Variants in TEP1 observed in about 807,000 individuals in gnomAD.
TEP1 encodes telomerase associated protein 1, also known as telomerase protein component 1.
A neutral mutation model predicts 306.3 loss-of-function variants in TEP1; 241 were observed. The ratio of observed to expected loss-of-function variants is 0.79; its 90% CI spans 0.71 to 0.88. TEP1 has a LOEUF of 0.88. Ranked by LOEUF, TEP1 falls within the 40% of genes least tolerant of loss-of-function variation. The probability of loss-of-function intolerance (pLI) is 0.00; values close to 1 mark genes in which losing one functional copy is unlikely to be tolerated. For missense variants in TEP1, 3,051 were observed against 3,276.1 expected, an observed-to-expected ratio of 0.93 and a Z score of 1.68; for synonymous variants, 1,289 against 1,305.5, an observed-to-expected ratio of 0.99 and a Z score of 0.27.
At chr14:20,374,322 T>C in intron 44 of TEP1, 107 bp downstream of exon 44, 2 of 693,136 alleles carry the variant, frequency 2.9e-6, no homozygotes, top group South Asian at 4.2e-5. Flanking sequence ...AGGTATCTCA[T>C]TTTTATGCTC....
chr14:20,406,117 C>T, intron 3 of TEP1, 116 bp downstream of exon 3: 3 of 889,326 alleles, frequency 3.4e-6, no homozygotes. Context: ...GAAATAAGAG[C>T]TAGGTTGTAT....
At position 20,368,915 on chromosome 14, in the gene TEP1, AG is replaced by A; in HGVS notation, c.7657-14del. The stretch of plus-strand genomic sequence containing the variant: ...AGCCCGAGTGAATCTCAAAGAGGAA[AG>A]GGGAGAGCAGAATGGTGAGTTCTCA... On this transcript the variant is annotated splice_polypyrimidine_tract_variant and intron_variant, in intron 53 of 54. Transcript: ENST00000262715. 1.2e-6 allele frequency: 2 copies of A among 1,604,798 alleles called. No homozygotes were observed. Among genetic ancestry groups the A allele is most frequent in the East Asian group, 2.2e-5 (1 of 44,746 alleles).
chr14:20,392,534 C>G (rs935613148), intron 12 of TEP1, among the ~76,000 whole-genome samples: 12 of 152,198 alleles, frequency 7.9e-5, no homozygotes, highest in African/African-American at 2.9e-4. Context: ...GGAGGCAAAT[C>G]CAGAATATGG....
Position 20,408,086 on chromosome 14 carries a change from T to C in TEP1, c.354A>G (p.Leu118=), listed in dbSNP as rs1184141495. The change falls in exon 2 of 55, where the codon CTA becomes CTG. Residue 118 remains leucine (L), a synonymous_variant. Coordinates refer to ENST00000262715, the MANE Select transcript of TEP1 (RefSeq NM_007110.5). ...AGGGGCTGGCAGACACAGTGCTCTT[T>C]AGACTAGAGAGGGTGGCCAGGCACC... ...ENRCLATLSS[L]KSTVSASPLF... is the part of the protein sequence containing the mutation. 3.7e-6 allele frequency: 6 copies of C among 1,614,104 alleles called. No homozygotes were observed. Among genetic ancestry groups the C allele is most frequent in the Admixed American group, 1.7e-5 (1 of 60,010 alleles).
chr14:20,384,827 G>A, intron 21 of TEP1, 114 bp from the exon 22 acceptor site: 1 of 1,475,362 alleles, frequency 6.8e-7, no homozygotes, highest in South Asian at 1.2e-5. Context: ...GAGAGCTCCT[G>A]ACTCCAGCAC....
At chr14:20,380,604 A>G (rs568945732) in intron 33 of TEP1, 129 bp from the exon 34 acceptor site, 1 of 1,383,748 alleles carries the variant, frequency 7.2e-7, no homozygotes, top group Non-Finnish European at 9.5e-7. Flanking sequence ...TATATCAGGA[A>G]TATCTCTTAA....
rs1383902257 is a variant in TEP1 at position 20,383,641 on chromosome 14, G to C, written c.3714C>G (p.Ser1238Arg). The C allele has an allele frequency of 2.5e-6, 4 of 1,613,138 alleles. No homozygotes were observed. The highest frequency in any genetic ancestry group is 1.3e-5 in the African/African-American group (1 of 74,920). Residue 1238 changes from serine to arginine, a missense_variant, in exon 26 of 55, where the codon AGC becomes AGG. Transcript: ENST00000262715. ...EPGALPSTYR[S>R]LVWELQQRLL... ...GCCTCTGCTGCAGCTCCCACACCAG[G>C]CTTCTGTACATGGAGAGGAAGTCAG...
At chr14:20,386,349 C>A in intron 19 of TEP1, 98 bp downstream of exon 19, 2 of 1,577,442 alleles carry the variant, frequency 1.3e-6, no homozygotes, top group Non-Finnish European at 1.7e-6. Flanking sequence ...CCCGCCTTCA[C>A]CCTCATCCAT....
At chr14:20,395,115 GA>G (rs1038541259) in intron 12 of TEP1, among the ~76,000 whole-genome samples, 2 of 152,098 alleles carry the variant, frequency 1.3e-5, no homozygotes, top group Non-Finnish European at 2.9e-5. Context: ...TCACAGAAAA[GA>G]AAAAGAAAAC....
At chr14:20,380,089 C>T (rs186927974) in intron 34 of TEP1, 36 bp from the exon 35 acceptor site, 28 of 1,599,470 alleles carry the variant, frequency 1.8e-5, no homozygotes, top group South Asian at 5.7e-5. Flanking sequence ...AGGAAATAAA[C>T]GAGAGAATGC....
At chr14:20,396,826 GA>G (rs1878244873) in intron 9 of TEP1, 96 bp from the exon 10 acceptor site, 1 of 810,484 alleles carries the variant, frequency 1.2e-6, no homozygotes, top group East Asian at 2.9e-5. Context: ...GGCTGAGACA[GA>G]AGGATCACTT....
intron 1 of TEP1, among the ~76,000 whole-genome samples, chr14:20,409,887 T>C (rs2139215059): frequency 6.6e-6 from 1 of 151,516 alleles, no homozygotes; most frequent in South Asian, 2.1e-4. Context: ...CCAGGCAGGG[T>C]GGCGGGCACC....
chr14:20,380,215 G>A lies in TEP1; in HGVS notation c.5003+20C>T. The stretch of plus-strand genomic sequence containing the variant: ...CTTGCTCTCTGGTGGGCTTACTAGG[G>A]TCTGGGGTCAAGGTCTTACCTTTGC... On this transcript the variant is annotated intron_variant, in intron 34 of 54. Coordinates refer to ENST00000262715, the MANE Select transcript of TEP1 (RefSeq NM_007110.5). 1 of 1,609,534 alleles carries A rather than the reference G, an allele frequency of 6.2e-7. No homozygotes were observed. Among genetic ancestry groups the A allele is most frequent in the South Asian group, 1.1e-5 (1 of 90,710 alleles).
rs750418565 is a variant in TEP1 at position 20,378,221 on chromosome 14, C to T, written c.5524G>A (p.Gly1842Arg). The T allele has an allele frequency of 1.7e-5, 28 of 1,613,418 alleles. No homozygotes were observed. The highest frequency in any genetic ancestry group is 1.1e-4 in the African/African-American group (8 of 74,914). The stretch of plus-strand genomic sequence containing the variant: ...AAGGCCAAGGTACGGATAGAGGCTC[C>T]GGGTGCCCCCAGGTCCTACACAGGG... ...LKVTKDLGAPGASIRTLAFNV... is the reference protein window; with the variant it reads ...LKVTKDLGAPRASIRTLAFNV... Residue 1842 changes from glycine (G) to arginine (R), a missense_variant, in exon 39 of 55, where the codon GGA becomes AGA. By Grantham distance (125) the Gly-to-Arg change is moderately radical. Around this residue, in one of 3 missense-constraint regions of TEP1, gnomAD observed 1,540 missense variants for 1,705.9 expected, o/e 0.90. Coordinates refer to ENST00000262715, the MANE Select transcript of TEP1 (RefSeq NM_007110.5).
chr14:20,405,447 A>C lies in TEP1; in HGVS notation c.870+4T>G, dbSNP rs781261702. ...CCCCCATCCCCTCCTTCACACCTCAATACCTTGAGGATAAACTCAGGCTCC... is the reference window on the plus strand; with the variant it reads ...CCCCCATCCCCTCCTTCACACCTCACTACCTTGAGGATAAACTCAGGCTCC... On this transcript the variant is annotated splice_donor_region_variant and intron_variant, in intron 4 of 54. Transcript: ENST00000262715. 1.0e-4 allele frequency: 165 copies of C among 1,613,764 alleles called. No individual in the cohort carries two copies. Among genetic ancestry groups the C allele is most frequent in the Middle Eastern group, 9.9e-4 (6 of 6,042 alleles).
rs1878236721 is a variant in TEP1 at position 20,396,745 on chromosome 14, GCA to G, written c.1550-17_1550-16del. On this transcript the variant is annotated splice_polypyrimidine_tract_variant and intron_variant, in intron 9 of 54. Coordinates refer to ENST00000262715, the MANE Select transcript of TEP1 (RefSeq NM_007110.5). Reference sequence around the variant, plus strand: ...CTTCCCATTTTCTGTGGAATGTGGGGCATAGAGTGAGAAAAACAAATGAGAAG... The same window carrying G: ...CTTCCCATTTTCTGTGGAATGTGGGGTAGAGTGAGAAAAACAAATGAGAAG... The G allele has an allele frequency of 8.3e-6, 13 of 1,575,278 alleles. No homozygotes were observed. The highest frequency in any genetic ancestry group is 1.8e-5 in the Admixed American group (1 of 57,106).
chr14:20,379,243 C>G, intron 35 of TEP1, 138 bp from the exon 36 acceptor site: 1 of 1,183,346 alleles, frequency 8.5e-7, no homozygotes, highest in Non-Finnish European at 1.2e-6. Flanking sequence ...AAGTCAAGCA[C>G]ACGTTCAAGT....
At chr14:20,402,613 T>C (rs534687859) in intron 7 of TEP1, among the ~76,000 whole-genome samples, 1 of 152,238 alleles carries the variant, frequency 6.6e-6, no homozygotes, top group African/African-American at 2.4e-5. Flanking sequence ...ATTTAATACG[T>C]GAGAAAACTG....
chr14:20,400,496 C>CCAAAAAAAAAAAAAAAAAAAAAAA (rs1304438820), intron 9 of TEP1, among the ~76,000 whole-genome samples: 1 of 50,536 alleles, frequency 2.0e-5, no homozygotes, highest in Non-Finnish European at 3.9e-5. Context: ...TAAAAGTAGA[C>CCAAAAAAAAAAAAAAAAAAAAAAA]CAAAAAAAAA....
Sources: allele counts gnomAD v4.1 joint callset (sites outside exome capture counted in the v4.1 genomes callset), GRCh38; gene constraint gnomAD v4.1.1; regional missense constraint gnomAD v4.1.1; transcripts MANE v1.5; gene names NCBI Gene and HGNC (gene_info 2026-07-23, HGNC 2026-07-21).